PARD3: variants seen among roughly 807,000 people sequenced by gnomAD.
PARD3 encodes the protein partitioning defective 3 homolog.
A neutral mutation model predicts 155.4 loss-of-function variants in PARD3; 75 were observed. The ratio of observed to expected loss-of-function variants is 0.48; its 90% CI spans 0.40 to 0.58. The LOEUF is 0.58. Ranked by LOEUF, PARD3 falls within the 20% of genes least tolerant of loss-of-function variation. The pLI is 0.00. For missense variants in PARD3, 1,642 were observed against 1,721.7 expected (o/e 0.95, Z 0.82); for synonymous variants, 576 against 610.5 (o/e 0.94, Z 0.83).
chr10:34,701,647 T>C lies in PARD3; in HGVS notation c.121-5228A>G, dbSNP rs548448827. On this transcript the variant is annotated intron_variant, in intron 1 of 24. Coordinates refer to ENST00000374788, the MANE Select transcript of PARD3 (RefSeq NM_001184785.2). ...CGGTAGTTTATGCCTATACTCCCAG[T>C]GCTTTGGGAGGCAGGGACAGGAGGA... Among the ~76,000 whole-genome samples the C allele has an allele frequency of 2.6e-5, 4 of 152,166 alleles. No individual in the cohort carries two copies. In the East Asian group the frequency reaches 5.8e-4, roughly 22 times the overall value.
chr10:34,616,301 G>A (rs575017056), intron 2 of PARD3, among the ~76,000 whole-genome samples: 1 of 151,624 alleles, frequency 6.6e-6, no homozygotes, highest in African/African-American at 2.4e-5. Flanking sequence ...TGGGTGACAG[G>A]GTGAGACTCT....
chr10:34,784,543 G>A (rs1418485796), intron 1 of PARD3, among the ~76,000 whole-genome samples: 1 of 151,976 alleles, frequency 6.6e-6, no homozygotes, highest in Non-Finnish European at 1.5e-5. Context: ...AGGTTCAAGC[G>A]ATTCTCCTGC....
intron 22 of PARD3, among the ~76,000 whole-genome samples, chr10:34,137,239 T>A (rs575096770): frequency 6.6e-6 from 1 of 152,298 alleles, no homozygotes; most frequent in South Asian, 2.1e-4. Flanking sequence ...TCACGCAGTG[T>A]TTGTGGTTAC....
chr10:34,412,199 G>A, intron 5 of PARD3, among the ~76,000 whole-genome samples: 1 of 152,032 alleles, frequency 6.6e-6, no homozygotes, highest in South Asian at 2.1e-4. Context: ...CTGGCCTCAA[G>A]CGATCTTCCC....
At chr10:34,361,879 C>T (rs993408987) in intron 12 of PARD3, among the ~76,000 whole-genome samples, 1 of 152,032 alleles carries the variant, frequency 6.6e-6, no homozygotes, top group East Asian at 1.9e-4. Flanking sequence ...AAATAAGAAT[C>T]TGAAAAAATA....
At chr10:34,185,304 T>C (rs2133223356) in intron 22 of PARD3, among the ~76,000 whole-genome samples, 1 of 152,356 alleles carries the variant, frequency 6.6e-6, no homozygotes, top group African/African-American at 2.4e-5. Context: ...TTGCCAACTT[T>C]TATTGGTCTT....
At chr10:34,353,273 A>G (rs1489879881) in intron 14 of PARD3, among the ~76,000 whole-genome samples, 1 of 152,200 alleles carries the variant, frequency 6.6e-6, no homozygotes, top group African/African-American at 2.4e-5. Flanking sequence ...TGTCGAGTAG[A>G]AAAGGGGGAA....
At chr10:34,175,062 T>C (rs995987823) in intron 22 of PARD3, among the ~76,000 whole-genome samples, 2 of 152,218 alleles carry the variant, frequency 1.3e-5, no homozygotes, top group African/African-American at 4.8e-5. Flanking sequence ...AAGTTTTTAC[T>C]AACATCATTA....
chr10:34,438,264 A>C (rs1394382358), intron 5 of PARD3, among the ~76,000 whole-genome samples: 1 of 152,232 alleles, frequency 6.6e-6, no homozygotes, highest in Admixed American at 6.5e-5. Context: ...GATTTAAAAA[A>C]ATAGGAACAT....
chr10:34,535,481 T>C (rs943075680), intron 2 of PARD3, among the ~76,000 whole-genome samples: 2 of 152,032 alleles, frequency 1.3e-5, no homozygotes, highest in Non-Finnish European at 2.9e-5. Flanking sequence ...AAGTAAGATA[T>C]GTTTTGGGGT....
rs138573525 is a variant in PARD3 at position 34,243,901 on chromosome 10, G to A, written c.3419+25756C>T. On this transcript the variant is annotated intron_variant, in intron 22 of 24. Transcript: ENST00000374788. Reference sequence around the variant, plus strand: ...ACTGCAAGCAGTCACTATGACAAATGTTTTAGCTAGGTTAGATCATTCATC... The same window carrying A: ...ACTGCAAGCAGTCACTATGACAAATATTTTAGCTAGGTTAGATCATTCATC... Among the ~76,000 whole-genome samples, 11 of 152,238 alleles carry A rather than the reference G, an allele frequency of 7.2e-5. No individual in the cohort carries two copies. The East Asian group carries it at 2.1e-3, about 29-fold the overall frequency.
At chr10:34,149,614 A>G (rs1469364590) in intron 22 of PARD3, among the ~76,000 whole-genome samples, 1 of 152,180 alleles carries the variant, frequency 6.6e-6, no homozygotes, top group Non-Finnish European at 1.5e-5. Context: ...AATGCCAGAG[A>G]AGGTGTTGCT....
At chr10:34,787,627 A>G (rs1293802004) in intron 1 of PARD3, among the ~76,000 whole-genome samples, 1 of 152,208 alleles carries the variant, frequency 6.6e-6, no homozygotes, top group Non-Finnish European at 1.5e-5. Flanking sequence ...GATGGAAGCA[A>G]TCCCTGAAGA....
chr10:34,276,589 G>T (rs1955892298), intron 21 of PARD3, among the ~76,000 whole-genome samples: 1 of 152,102 alleles, frequency 6.6e-6, no homozygotes, highest in Non-Finnish European at 1.5e-5. Flanking sequence ...AGAATAAGAT[G>T]AAAGGAACTT....
chr10:34,510,718 G>A lies in PARD3; in HGVS notation c.403+6261C>T, dbSNP rs557279124. On this transcript the variant is annotated intron_variant, in intron 3 of 24. Coordinates refer to ENST00000374788, the MANE Select transcript of PARD3 (RefSeq NM_001184785.2). ...TTTTTTTTTAAAGTACCTTTATTAA[G>A]GATAATTTTGAACCAACATATAGAA... Among the ~76,000 whole-genome samples the A allele has an allele frequency of 2.6e-5, 4 of 151,922 alleles. No individual in the cohort carries two copies. In the East Asian group the frequency reaches 7.7e-4, roughly 29 times the overall value.
At chr10:34,272,051 A>C (rs942376111) in intron 21 of PARD3, among the ~76,000 whole-genome samples, 3 of 152,230 alleles carry the variant, frequency 2.0e-5, no homozygotes, top group Non-Finnish European at 2.9e-5. Context: ...CAGCAAAAAC[A>C]ATTCAATGTA....
intron 3 of PARD3, among the ~76,000 whole-genome samples, chr10:34,484,828 T>C (rs2079335374): frequency 6.6e-6 from 1 of 152,186 alleles, no homozygotes; most frequent in African/African-American, 2.4e-5. Context: ...ACCTTTTGCA[T>C]TCTCCTGCAG....
At chr10:34,659,689 G>A (rs1374819436) in intron 2 of PARD3, among the ~76,000 whole-genome samples, 1 of 151,886 alleles carries the variant, frequency 6.6e-6, no homozygotes, top group African/African-American at 2.4e-5. Flanking sequence ...TGGTGAAAAT[G>A]ACTCCACTGA....
At chr10:34,577,029 C>T (rs2086944923) in intron 2 of PARD3, among the ~76,000 whole-genome samples, 1 of 152,196 alleles carries the variant, frequency 6.6e-6, no homozygotes, top group South Asian at 2.1e-4. Context: ...AACCTTGCTC[C>T]ATCATCTTCT....
Sources: allele counts gnomAD v4.1 joint callset (sites outside exome capture counted in the v4.1 genomes callset), GRCh38; gene constraint gnomAD v4.1.1; transcripts MANE v1.5; gene names NCBI Gene and HGNC (gene_info 2026-07-23, HGNC 2026-07-21).